CHRM3: variants seen among roughly 807,000 people sequenced by gnomAD.
The protein encoded by CHRM3 is cholinergic receptor muscarinic 3, also known as muscarinic acetylcholine receptor M3.
CHRM3 carries 11 observed loss-of-function variants against 41.8 expected under a neutral mutation model. The ratio of observed to expected loss-of-function variants is 0.26; its 90% CI spans 0.17 to 0.44. The LOEUF (loss-of-function observed/expected upper bound fraction) is 0.44, where lower values mean the gene tolerates loss of function less well. Among genes scored for constraint, CHRM3 ranks in the 20% least tolerant of loss-of-function variants. The pLI is 1.00. For synonymous variants in CHRM3, 297 were observed against 301.4 expected (o/e 0.99, Z 0.15); for missense variants, 571 against 745.4 (o/e 0.77, Z 2.72).
chr1:239,638,632 G>C (rs558010410), intron 4 of CHRM3, among the ~76,000 whole-genome samples: 1 of 151,932 alleles, frequency 6.6e-6, no homozygotes, highest in Non-Finnish European at 1.5e-5. Context: ...CTTGTAAATT[G>C]GTTTGAGTTC....
intron 4 of CHRM3, among the ~76,000 whole-genome samples, chr1:239,669,242 A>G (rs889288742): frequency 6.6e-6 from 1 of 152,120 alleles, no homozygotes; most frequent in Non-Finnish European, 1.5e-5. Flanking sequence ...ATTAAGTCCA[A>G]TATTCTTTCC....
intron 5 of CHRM3, among the ~76,000 whole-genome samples, chr1:239,790,301 G>A (rs1157592519): frequency 1.3e-5 from 2 of 152,132 alleles, no homozygotes; most frequent in African/African-American, 2.4e-5. Flanking sequence ...AGAATGATAG[G>A]GTTTGGCTGT....
chr1:239,393,282 T>C (rs963452867), intron 1 of CHRM3, among the ~76,000 whole-genome samples: 8 of 152,240 alleles, frequency 5.3e-5, no homozygotes, highest in Non-Finnish European at 1.0e-4. Flanking sequence ...ATATCCATAG[T>C]CATTTAAAAA....
intron 1 of CHRM3, among the ~76,000 whole-genome samples, chr1:239,478,501 C>A (rs571221526): frequency 6.6e-6 from 1 of 152,108 alleles, no homozygotes; most frequent in South Asian, 2.1e-4. Flanking sequence ...AATAAATATT[C>A]CAAGAAATGT....
intron 1 of CHRM3, among the ~76,000 whole-genome samples, chr1:239,401,444 C>T (rs1010945976): frequency 1.3e-5 from 2 of 152,052 alleles, no homozygotes; most frequent in African/African-American, 4.8e-5. Flanking sequence ...TTCAAGTTAC[C>T]ATTCTGTATT....
intron 5 of CHRM3, among the ~76,000 whole-genome samples, chr1:239,759,516 G>A (rs1312000429): frequency 6.6e-6 from 1 of 152,234 alleles, no homozygotes; most frequent in Non-Finnish European, 1.5e-5. Flanking sequence ...TTAAACTGCA[G>A]TATTATCCAG....
intron 4 of CHRM3, among the ~76,000 whole-genome samples, chr1:239,647,394 C>T (rs542817107): frequency 1.2e-3 from 177 of 152,204 alleles, no homozygotes; most frequent in African/African-American, 3.8e-3. Flanking sequence ...TTCGTGGATT[C>T]GAAGGAACCT....
intron 2 of CHRM3, among the ~76,000 whole-genome samples, chr1:239,527,397 G>A (rs1490341899): frequency 6.6e-6 from 1 of 151,974 alleles, no homozygotes; most frequent in East Asian, 1.9e-4. Context: ...CCCTTACAAA[G>A]TCTATTCCTG....
Position 239,641,993 on chromosome 1 carries a change from T to C in CHRM3, c.-250+9707T>C, listed in dbSNP as rs1671205052. Among the ~76,000 whole-genome samples the C allele has an allele frequency of 1.6e-5, 2 of 127,474 alleles. 1 individual carries two copies. The highest frequency in any genetic ancestry group is 6.3e-5 in the African/African-American group (2 of 31,692). 83.6% of individuals were successfully genotyped at this position (127,474 alleles called of 152,430 possible). A position where few individuals can be genotyped will look rare whatever the true frequency, so the allele number is the denominator to read the frequency against. ...CAAAATCTCTCAGCATTTGCTTGTC[T>C]GTAAAGAATTTTATTTCTCCTCCAC... On this transcript the variant is annotated intron_variant, in intron 4 of 6. Transcript: ENST00000676153.
At chr1:239,834,428 T>C (rs1228760868) in intron 6 of CHRM3, among the ~76,000 whole-genome samples, 1 of 149,446 alleles carries the variant, frequency 6.7e-6, no homozygotes, top group Non-Finnish European at 1.5e-5. Flanking sequence ...TTCTCCTGCC[T>C]CAGCTTCCCA....
At chr1:239,411,931 C>T (rs1199911330) in intron 1 of CHRM3, among the ~76,000 whole-genome samples, 2 of 151,708 alleles carry the variant, frequency 1.3e-5, no homozygotes, top group African/African-American at 4.8e-5. Flanking sequence ...CTGTTATTTA[C>T]TTTCATATTT....
chr1:239,759,213 T>G (rs77732991), intron 5 of CHRM3, among the ~76,000 whole-genome samples: 7,177 of 141,440 alleles, frequency 0.051, 560 homozygotes, highest in African/African-American at 0.15. Context: ...AGGCTTATCC[T>G]GAATGTCTGC....
intron 5 of CHRM3, among the ~76,000 whole-genome samples, chr1:239,762,292 T>A (rs1666861216): frequency 6.6e-6 from 1 of 152,172 alleles, no homozygotes; most frequent in Non-Finnish European, 1.5e-5. Flanking sequence ...GTTTTGCGGT[T>A]TTTTACTTTC....
intron 5 of CHRM3, among the ~76,000 whole-genome samples, chr1:239,747,310 G>C (rs888118007): frequency 1.3e-5 from 2 of 152,152 alleles, no homozygotes; most frequent in African/African-American, 2.4e-5. Context: ...TTAGGGAATG[G>C]TAAACAAAAT....
At chr1:239,446,857 A>G (rs1248964150) in intron 1 of CHRM3, among the ~76,000 whole-genome samples, 1 of 152,208 alleles carries the variant, frequency 6.6e-6, no homozygotes, top group Non-Finnish European at 1.5e-5. Flanking sequence ...CTAAGGGAAC[A>G]TTTAGAAGGA....
At chr1:239,599,641 TATG>T (rs1335833968) in intron 3 of CHRM3, among the ~76,000 whole-genome samples, 1 of 152,050 alleles carries the variant, frequency 6.6e-6, no homozygotes, top group African/African-American at 2.4e-5. Flanking sequence ...ACAAGGAAAA[TATG>T]ATAAGTCAAA....
At chr1:239,490,783 G>A (rs1205841767) in intron 1 of CHRM3, among the ~76,000 whole-genome samples, 1 of 151,956 alleles carries the variant, frequency 6.6e-6, no homozygotes, top group African/African-American at 2.4e-5. Context: ...GTCTTACTCT[G>A]TCACCTAGGC....
At chr1:239,531,906 G>A (rs193019004) in intron 2 of CHRM3, among the ~76,000 whole-genome samples, 10 of 149,602 alleles carry the variant, frequency 6.7e-5, no homozygotes, top group Admixed American at 2.7e-4. Flanking sequence ...TGATCTCCGC[G>A]CTTGGGCCTC....
intron 2 of CHRM3, among the ~76,000 whole-genome samples, chr1:239,506,430 C>T (rs1668575241): frequency 6.6e-6 from 1 of 152,146 alleles, no homozygotes. Context: ...GGTAGAAGCC[C>T]TAAGTCTTGA....
Sources: allele counts gnomAD v4.1 joint callset (sites outside exome capture counted in the v4.1 genomes callset), GRCh38; gene constraint gnomAD v4.1.1; transcripts MANE v1.5; gene names NCBI Gene and HGNC (gene_info 2026-07-23, HGNC 2026-07-21).